The following TAOK3 variants were observed in gnomAD, a reference collection of about 807,000 sequenced individuals.
TAOK3 encodes the protein TAO kinase 3.
In TAOK3, 40 loss-of-function variants were observed where a neutral mutation model predicts 120.4. That is an observed-to-expected ratio of 0.33 (90% CI 0.26 to 0.43). TAOK3 has a LOEUF of 0.43. Ranked by LOEUF, TAOK3 falls within the 20% of genes least tolerant of loss-of-function variation. The probability of loss-of-function intolerance (pLI) is 1.00; values close to 1 mark genes in which losing one functional copy is unlikely to be tolerated. For missense variants in TAOK3, 821 were observed against 1,112.1 expected (o/e 0.74, Z 3.72); for synonymous variants, 355 against 387.5 (o/e 0.92, Z 0.99).
At chr12:118,273,606 G>A (rs1037394736) in intron 1 of TAOK3, among the ~76,000 whole-genome samples, 6 of 152,182 alleles carry the variant, frequency 3.9e-5, no homozygotes, top group African/African-American at 1.4e-4. Flanking sequence ...CTTGACGTCA[G>A]CAGTTCAAGA....
At chr12:118,181,244 C>G in intron 15 of TAOK3, 127 bp downstream of exon 15, 1 of 775,446 alleles carries the variant, frequency 1.3e-6, no homozygotes, top group Non-Finnish European at 2.2e-6. Flanking sequence ...TCTAGAAACC[C>G]AATTTTGCCA....
chr12:118,251,016 G>C (rs2040726851), intron 3 of TAOK3, among the ~76,000 whole-genome samples: 1 of 152,210 alleles, frequency 6.6e-6, no homozygotes, highest in South Asian at 2.1e-4. Context: ...AGTAGAGATA[G>C]GGACCATGAA....
chr12:118,354,732 T>C (rs556792542), intron 1 of TAOK3, among the ~76,000 whole-genome samples: 1 of 152,292 alleles, frequency 6.6e-6, no homozygotes, highest in East Asian at 1.9e-4. Context: ...GGAGTTTCTC[T>C]GCACAAGCTC....
chr12:118,272,504 G>A (rs552185436), intron 1 of TAOK3, among the ~76,000 whole-genome samples: 310 of 151,836 alleles, frequency 2.0e-3, no homozygotes, highest in African/African-American at 7.2e-3. Context: ...CAGTGAATTC[G>A]AAAACTCCAC....
intron 14 of TAOK3, 49 bp downstream of exon 14, chr12:118,189,758 T>A (rs376386026): frequency 1.2e-6 from 2 of 1,607,496 alleles, no homozygotes; most frequent in Non-Finnish European, 1.7e-6. Context: ...GGCTGCCAGA[T>A]GGGGAGGAGG....
At chr12:118,313,999 A>T (rs938710993) in intron 1 of TAOK3, among the ~76,000 whole-genome samples, 1 of 152,208 alleles carries the variant, frequency 6.6e-6, no homozygotes, top group Admixed American at 6.5e-5. Flanking sequence ...ACTAGTGAAG[A>T]GAAAGCCTAA....
At chr12:118,266,818 G>C (rs2041468757) in intron 1 of TAOK3, 59 bp from the exon 2 acceptor site, 1 of 389,576 alleles carries the variant, frequency 2.6e-6, no homozygotes, top group African/African-American at 2.1e-5. Flanking sequence ...ATCAATAATT[G>C]CTCATGTGGT....
intron 9 of TAOK3, among the ~76,000 whole-genome samples, chr12:118,219,705 C>T (rs1004091354): frequency 2.0e-5 from 3 of 151,498 alleles, no homozygotes; most frequent in Non-Finnish European, 4.4e-5. Flanking sequence ...GGTGATGTTC[C>T]CATTTCTGTC....
At chr12:118,319,133 G>T (rs567340271) in intron 1 of TAOK3, among the ~76,000 whole-genome samples, 1 of 152,282 alleles carries the variant, frequency 6.6e-6, no homozygotes, top group South Asian at 2.1e-4. Flanking sequence ...TCTGGTGATG[G>T]ATATGTTATC....
intron 1 of TAOK3, among the ~76,000 whole-genome samples, chr12:118,330,754 G>T (rs932834027): frequency 7.0e-6 from 1 of 143,842 alleles, no homozygotes; most frequent in Non-Finnish European, 1.5e-5. Flanking sequence ...AAAGAAGAAA[G>T]AGGAGGACAA....
intron 1 of TAOK3, among the ~76,000 whole-genome samples, chr12:118,309,774 C>A (rs553564748): frequency 3.8e-4 from 58 of 152,154 alleles, no homozygotes; most frequent in Middle Eastern, 3.4e-3. Context: ...CCTCAGCCTC[C>A]CAAAGTGCTG....
chr12:118,351,309 C>G (rs537854266), intron 1 of TAOK3, among the ~76,000 whole-genome samples: 1 of 152,256 alleles, frequency 6.6e-6, no homozygotes, highest in Middle Eastern at 3.4e-3. Context: ...TCACATGGGT[C>G]TCTGTAGCAT....
intron 14 of TAOK3, 60 bp from the exon 15 acceptor site, chr12:118,181,667 G>T: frequency 1.4e-6 from 2 of 1,469,620 alleles, no homozygotes; most frequent in Non-Finnish European, 9.5e-7. Context: ...AAGCTTTCAT[G>T]CAAAGTAGAA....
At chr12:118,249,970 T>C (rs968190426) in intron 3 of TAOK3, among the ~76,000 whole-genome samples, 10 of 152,218 alleles carry the variant, frequency 6.6e-5, no homozygotes, top group Non-Finnish European at 1.3e-4. Flanking sequence ...ATGGATAATA[T>C]ACTGAGTTCA....
chr12:118,181,137 G>A (rs1329852099), intron 15 of TAOK3, among the ~76,000 whole-genome samples: 1 of 152,150 alleles, frequency 6.6e-6, no homozygotes, highest in South Asian at 2.1e-4. Context: ...GAGCCACCAC[G>A]CCTGGCCTCA....
chr12:118,170,815 T>C (rs568976755), intron 17 of TAOK3, among the ~76,000 whole-genome samples: 63 of 152,304 alleles, frequency 4.1e-4, no homozygotes, highest in African/African-American at 1.5e-3. Flanking sequence ...TAAGACAGCA[T>C]GCAGAAAGAG....
intron 1 of TAOK3, among the ~76,000 whole-genome samples, chr12:118,367,412 GTT>G (rs776529823): frequency 7.1e-6 from 1 of 140,498 alleles, no homozygotes; most frequent in Non-Finnish European, 1.6e-5. Context: ...ATTTGAAATA[GTT>G]TTTTTTTTTT....
Position 118,243,514 on chromosome 12 carries a change from T to C in TAOK3, c.195A>G (p.Lys65=). 7.1e-7 allele frequency: 1 copy of C among 1,409,552 alleles called. No individual in the cohort carries two copies. 87.3% of individuals were successfully genotyped at this position (1,409,552 alleles called of 1,614,324 possible). ...MSYSGKQTHE[K]WQDILKEVKF... ...TAACTTCCTTAAGAATATCTTGCCA[T>C]TTCTATTGAAGTCAGAAAAGGAACA... Residue 65 remains lysine, a splice_region_variant and synonymous_variant, in exon 5 of 21, where the codon AAA becomes AAG. Transcript: ENST00000392533.
intron 4 of TAOK3, 63 bp downstream of exon 4, chr12:118,244,831 A>AT: frequency 7.5e-7 from 1 of 1,336,600 alleles, no homozygotes; most frequent in Non-Finnish European, 1.1e-6. Flanking sequence ...CCCGGCCAGA[A>AT]TTTTGTTAAT....
Sources: gnomAD v4.1 joint callset for allele counts (sites outside exome capture counted in the v4.1 genomes callset) on GRCh38, gnomAD v4.1.1 for gene constraint, MANE v1.5 for transcripts, NCBI Gene and HGNC (gene_info 2026-07-23, HGNC 2026-07-21) for gene names.